PDE4B: variants seen among roughly 807,000 people sequenced by gnomAD.
PDE4B encodes 3',5'-cyclic-AMP phosphodiesterase 4B.
In PDE4B, 20 loss-of-function variants were observed where a neutral mutation model predicts 82.2. That is an observed-to-expected ratio of 0.24 (90% CI 0.17 to 0.35). The LOEUF is 0.35. Ranked by LOEUF, PDE4B falls within the 10% of genes least tolerant of loss-of-function variation. The pLI, the probability that PDE4B is intolerant of heterozygous loss-of-function variation, is 1.00. For synonymous variants in PDE4B, 320 were observed against 318.9 expected, an observed-to-expected ratio of 1.00 and a Z score of -0.04; for missense variants, 655 against 907.2, an observed-to-expected ratio of 0.72 and a Z score of 3.57.
At chr1:66,104,749 G>A (rs1408305584) in intron 3 of PDE4B, among the ~76,000 whole-genome samples, 24 of 149,864 alleles carry the variant, frequency 1.6e-4, no homozygotes, top group African/African-American at 5.6e-4. Flanking sequence ...TTTGAGAAGT[G>A]TCTGTTCATG....
chr1:66,168,332 A>T (rs941612399), intron 3 of PDE4B, among the ~76,000 whole-genome samples: 2 of 152,170 alleles, frequency 1.3e-5, no homozygotes, highest in African/African-American at 4.8e-5. Context: ...GGTATATTAG[A>T]CAGTGATGTT....
At chr1:66,338,396 T>C (rs535505148) in intron 8 of PDE4B, among the ~76,000 whole-genome samples, 10 of 152,260 alleles carry the variant, frequency 6.6e-5, no homozygotes, top group Non-Finnish European at 1.3e-4. Context: ...TGAGGCCTAG[T>C]TCAAATTTAT....
chr1:66,219,590 AT>A (rs1185528076), intron 3 of PDE4B, among the ~76,000 whole-genome samples: 5 of 152,150 alleles, frequency 3.3e-5, no homozygotes, highest in Non-Finnish European at 7.4e-5. Context: ...ATTCTGCACC[AT>A]GTTTTTATGC....
chr1:65,899,386 G>A (rs1003904752), intron 1 of PDE4B, among the ~76,000 whole-genome samples: 4 of 151,966 alleles, frequency 2.6e-5, no homozygotes, highest in African/African-American at 9.7e-5. Flanking sequence ...ATGTAAACTA[G>A]TGCAACCACT....
At chr1:66,057,178 A>C (rs1477277909) in intron 3 of PDE4B, among the ~76,000 whole-genome samples, 3 of 152,156 alleles carry the variant, frequency 2.0e-5, no homozygotes, top group Non-Finnish European at 2.9e-5. Flanking sequence ...CTCTTTCCTT[A>C]TTTCAAAGGA....
At chr1:65,902,261 T>A (rs1019926303) in intron 1 of PDE4B, among the ~76,000 whole-genome samples, 1 of 152,154 alleles carries the variant, frequency 6.6e-6, no homozygotes, top group African/African-American at 2.4e-5. Flanking sequence ...ATATTGATTA[T>A]GTGTTATTGA....
intron 7 of PDE4B, among the ~76,000 whole-genome samples, chr1:66,282,793 G>A (rs1656389715): frequency 6.6e-6 from 1 of 151,990 alleles, no homozygotes; most frequent in Non-Finnish European, 1.5e-5. Context: ...TTTCTATAAT[G>A]GCTCCTGGCC....
intron 3 of PDE4B, among the ~76,000 whole-genome samples, chr1:66,153,190 T>C (rs911345076): frequency 6.6e-6 from 1 of 152,210 alleles, no homozygotes; most frequent in African/African-American, 2.4e-5. Flanking sequence ...TGCAGTTCTC[T>C]GCCTTTTGGT....
chr1:66,144,317 A>G (rs890206995), intron 3 of PDE4B, among the ~76,000 whole-genome samples: 2 of 152,238 alleles, frequency 1.3e-5, no homozygotes, highest in Non-Finnish European at 2.9e-5. Flanking sequence ...CCAGGGATAC[A>G]AAAAGGTATA....
intron 1 of PDE4B, among the ~76,000 whole-genome samples, chr1:65,871,351 T>A (rs1319302195): frequency 6.6e-6 from 1 of 152,200 alleles, no homozygotes; most frequent in African/African-American, 2.4e-5. Flanking sequence ...TTTTCTCTAA[T>A]CTGAACTAGT....
intron 7 of PDE4B, among the ~76,000 whole-genome samples, chr1:66,279,466 A>G (rs1656130192): frequency 1.3e-5 from 2 of 152,214 alleles, no homozygotes; most frequent in Non-Finnish European, 2.9e-5. Flanking sequence ...TCTACTAAAA[A>G]TACAAAAAAT....
chr1:66,371,134 A>ATATATATATAT (rs34396658), intron 16 of PDE4B, among the ~76,000 whole-genome samples: 2 of 120,858 alleles, frequency 1.7e-5, no homozygotes, highest in East Asian at 2.4e-4. Context: ...ATATATATAT[A>ATATATATATAT]ATTTTATTTA....
intron 3 of PDE4B, among the ~76,000 whole-genome samples, chr1:66,094,289 G>A (rs1645075871): frequency 6.6e-6 from 1 of 151,994 alleles, no homozygotes. Context: ...TGAAAACTTA[G>A]TGATTAATGA....
At chr1:66,091,191 A>G (rs563356566) in intron 3 of PDE4B, among the ~76,000 whole-genome samples, 4 of 152,132 alleles carry the variant, frequency 2.6e-5, no homozygotes, top group African/African-American at 9.6e-5. Context: ...AGTGACCGTA[A>G]CTTCGTAATT....
At chr1:65,986,814 T>C (rs1455390031) in intron 3 of PDE4B, among the ~76,000 whole-genome samples, 1 of 152,114 alleles carries the variant, frequency 6.6e-6, no homozygotes, top group Non-Finnish European at 1.5e-5. Context: ...TATTATACGC[T>C]GACAAGTACT....
At chr1:66,317,772 C>T (rs932916622) in intron 7 of PDE4B, among the ~76,000 whole-genome samples, 1 of 152,100 alleles carries the variant, frequency 6.6e-6, no homozygotes, top group African/African-American at 2.4e-5. Context: ...GCGGTAAGCA[C>T]CTGTAGTCCC....
At chr1:66,230,496 T>C (rs997810985) in intron 3 of PDE4B, among the ~76,000 whole-genome samples, 3 of 152,206 alleles carry the variant, frequency 2.0e-5, no homozygotes, top group Non-Finnish European at 4.4e-5. Context: ...AAAATTGCCT[T>C]GAATGCAAAG....
Position 66,279,473 on chromosome 1 carries a change from A to C in PDE4B, c.634+13386A>C, listed in dbSNP as rs1345374337. Reference sequence around the variant, plus strand: ...ATCCCGACTCTACTAAAAATACAAAAAATTAGCCAGATGTGGTGGCACACT... The same window carrying C: ...ATCCCGACTCTACTAAAAATACAAACAATTAGCCAGATGTGGTGGCACACT... On this transcript the variant is annotated intron_variant, in intron 7 of 16. Transcript: ENST00000341517. Among the ~76,000 whole-genome samples, 5 of 152,148 alleles carry C rather than the reference A, an allele frequency of 3.3e-5. No homozygotes were observed. In the South Asian group the frequency reaches 1.0e-3, roughly 32 times the overall value.
At chr1:66,188,703 G>C (rs57340752) in intron 3 of PDE4B, among the ~76,000 whole-genome samples, 72,660 of 149,920 alleles carry the variant, frequency 0.48, 18,761 homozygotes, top group South Asian at 0.63. Flanking sequence ...CTTCCTCCAT[G>C]CCTTTATTTT....
Sources: allele counts gnomAD v4.1 joint callset (sites outside exome capture counted in the v4.1 genomes callset), GRCh38; gene constraint gnomAD v4.1.1; transcripts MANE v1.5; gene names NCBI Gene and HGNC (gene_info 2026-07-23, HGNC 2026-07-21).